Variants in GLI2 observed in about 807,000 individuals in gnomAD.
The protein encoded by GLI2 is GLI family zinc finger 2.
In GLI2, 22 loss-of-function variants were observed where a neutral mutation model predicts 78.9. That is an observed-to-expected ratio of 0.28 (90% CI 0.20 to 0.40). The LOEUF is 0.40. GLI2 is among the 10% of genes least tolerant of loss of function. GLI2 has a pLI of 1.00. For missense variants in GLI2, 2,097 were observed against 2,213.2 expected, an observed-to-expected ratio of 0.95 and a Z score of 1.05; for synonymous variants, 974 against 963.7, an observed-to-expected ratio of 1.01 and a Z score of -0.20.
At chr2:120,885,969 C>T (rs1677373612) in intron 2 of GLI2, among the ~76,000 whole-genome samples, 1 of 152,188 alleles carries the variant, frequency 6.6e-6, no homozygotes, top group Admixed American at 6.5e-5. Flanking sequence ...ACTCCATTTA[C>T]TGAGCACCTG....
chr2:120,986,257 T>A, intron 12 of GLI2, 21 bp from the exon 13 acceptor site: 1 of 1,609,002 alleles, frequency 6.2e-7, no homozygotes, highest in Non-Finnish European at 8.5e-7. Flanking sequence ...AGTCTGAGCC[T>A]TCTTGCCTCG....
intron 2 of GLI2, among the ~76,000 whole-genome samples, chr2:120,833,275 G>A (rs1686452703): frequency 6.6e-6 from 1 of 151,804 alleles, no homozygotes; most frequent in Non-Finnish European, 1.5e-5. Context: ...TATAGCTGGG[G>A]GCCTGGCATT....
intron 2 of GLI2, among the ~76,000 whole-genome samples, chr2:120,881,483 G>A (rs1027209518): frequency 4.7e-5 from 7 of 148,426 alleles, no homozygotes; most frequent in African/African-American, 7.5e-5. Context: ...GAGGACAGTC[G>A]TGGGGAAGAC....
At position 120,966,382 on chromosome 2, in the gene GLI2, C is replaced by T. The variant is rs139264322; in HGVS notation, c.644-2332C>T. 2.0e-3 allele frequency among the ~76,000 whole-genome samples: 308 copies of T among 152,302 alleles called. 1 individual carries two copies. Among genetic ancestry groups the T allele is most frequent in the African/African-American group, 7.2e-3 (298 of 41,570 alleles). The stretch of plus-strand genomic sequence containing the variant: ...GCCCAGGGTACCCGGTGTGCAGCCC[C>T]CACTTCACCCCACTGCAGGCCACTG... On this transcript the variant is annotated intron_variant, in intron 5 of 13. Coordinates refer to ENST00000361492, the MANE Select transcript of GLI2 (RefSeq NM_001374353.1).
At chr2:120,743,633 A>G (rs886082693) in intron 1 of GLI2, among the ~76,000 whole-genome samples, 2 of 152,176 alleles carry the variant, frequency 1.3e-5, no homozygotes, top group Admixed American at 1.3e-4. Context: ...AGAGTGATGG[A>G]TGGCTGCAAT....
At chr2:120,760,209 G>A (rs2104643825) in intron 1 of GLI2, among the ~76,000 whole-genome samples, 1 of 152,298 alleles carries the variant, frequency 6.6e-6, no homozygotes, top group South Asian at 2.1e-4. Flanking sequence ...TGAATGGGAT[G>A]TGTTAGATAG....
intron 2 of GLI2, among the ~76,000 whole-genome samples, chr2:120,901,610 C>T (rs936547684): frequency 2.0e-5 from 3 of 152,328 alleles, no homozygotes; most frequent in African/African-American, 7.2e-5. Context: ...GCAACATCCA[C>T]GGAGTGCACA....
In GLI2 at chr2:120,988,353, C is replaced by A; in HGVS notation, c.2388C>A (p.Val796=). Residue 796 remains valine, a synonymous_variant, in exon 14 of 14, where the codon GTC becomes GTA. Coordinates refer to ENST00000361492, the MANE Select transcript of GLI2 (RefSeq NM_001374353.1). The stretch of plus-strand genomic sequence containing the variant: ...GCCGCGACAGCTCCACCAGCACGGT[C>A]AGCTCGGCCTACACCGTGAGCCGCC... ...QERRDSSTST[V]SSAYTVSRRS... The A allele has an allele frequency of 6.4e-7, 1 of 1,572,928 alleles. No homozygotes were observed. The highest frequency in any genetic ancestry group is 1.4e-5 in the African/African-American group (1 of 73,144).
At position 120,990,781 on chromosome 2, in the gene GLI2, G is replaced by A; in HGVS notation, c.*106G>A. 1 of 950,370 alleles carries A rather than the reference G, an allele frequency of 1.1e-6. No homozygotes were observed. Among genetic ancestry groups the A allele is most frequent in the Admixed American group, 2.4e-5 (1 of 41,118 alleles). 58.9% of individuals were successfully genotyped at this position (950,370 alleles called of 1,614,324 possible). A position where few individuals can be genotyped will look rare whatever the true frequency, so the allele number is the denominator to read the frequency against. On this transcript the variant is annotated 3_prime_UTR_variant, in exon 14 of 14. Transcript: ENST00000361492. Reference sequence around the variant, plus strand: ...TTCCAAAAAAGTGTTAAATAGGCTTGAGGGGTTGTTGCGCAATGGCCGCTT... The same window carrying A: ...TTCCAAAAAAGTGTTAAATAGGCTTAAGGGGTTGTTGCGCAATGGCCGCTT...
At chr2:120,923,245 C>T in intron 2 of GLI2, among the ~76,000 whole-genome samples, 1 of 24,878 alleles carries the variant, frequency 4.0e-5, no homozygotes, top group Admixed American at 5.6e-4. Flanking sequence ...AACACACACA[C>T]ACAACAGCAC....
chr2:120,753,587 T>C (rs1425668573), intron 1 of GLI2, among the ~76,000 whole-genome samples: 1 of 152,186 alleles, frequency 6.6e-6, no homozygotes, highest in Non-Finnish European at 1.5e-5. Flanking sequence ...TAAAGATTTG[T>C]ACGTTTATCA....
At chr2:120,902,850 C>G (rs924276365) in intron 2 of GLI2, among the ~76,000 whole-genome samples, 4 of 152,332 alleles carry the variant, frequency 2.6e-5, no homozygotes, top group Non-Finnish European at 4.4e-5. Flanking sequence ...CTTCTTTAGG[C>G]TCCCAAGGAG....
chr2:120,922,889 G>A (rs1265158907), intron 2 of GLI2, among the ~76,000 whole-genome samples: 1 of 152,144 alleles, frequency 6.6e-6, no homozygotes, highest in Non-Finnish European at 1.5e-5. Flanking sequence ...CCTGGAGAAA[G>A]AGAAAGTGCT....
intron 11 of GLI2, among the ~76,000 whole-genome samples, chr2:120,983,150 TAATA>T (rs1488794128): frequency 4.6e-5 from 7 of 152,214 alleles, no homozygotes; most frequent in Non-Finnish European, 1.0e-4. Context: ...CTTATCTCCA[TAATA>T]AATATAATAG....
intron 1 of GLI2, among the ~76,000 whole-genome samples, chr2:120,763,844 A>G (rs934332433): frequency 6.6e-6 from 1 of 152,236 alleles, no homozygotes; most frequent in Non-Finnish European, 1.5e-5. Flanking sequence ...CAGGACCAAA[A>G]ACAAAATTAT....
intron 1 of GLI2, among the ~76,000 whole-genome samples, chr2:120,780,738 G>T (rs979787694): frequency 6.6e-6 from 1 of 152,216 alleles, no homozygotes; most frequent in African/African-American, 2.4e-5. Flanking sequence ...GCCAGTCCTG[G>T]GTCGTTTCCA....
intron 1 of GLI2, among the ~76,000 whole-genome samples, chr2:120,747,215 A>G (rs1418280848): frequency 6.6e-6 from 1 of 152,170 alleles, no homozygotes; most frequent in Non-Finnish European, 1.5e-5. Context: ...TGGGGAAGAG[A>G]TGGGAGGTGC....
At chr2:120,909,368 T>A (rs1678700872) in intron 2 of GLI2, among the ~76,000 whole-genome samples, 2 of 152,044 alleles carry the variant, frequency 1.3e-5, no homozygotes, top group Admixed American at 6.5e-5. Flanking sequence ...CTATCTCTGG[T>A]CAGCCCTACC....
At chr2:120,877,227 C>T (rs948477467) in intron 2 of GLI2, among the ~76,000 whole-genome samples, 6 of 152,178 alleles carry the variant, frequency 3.9e-5, no homozygotes, top group Non-Finnish European at 5.9e-5. Context: ...TCAGTCTGAA[C>T]TCCCTGAGAT....
Sources: allele counts gnomAD v4.1 joint callset (sites outside exome capture counted in the v4.1 genomes callset), GRCh38; gene constraint gnomAD v4.1.1; transcripts MANE v1.5; gene names NCBI Gene and HGNC (gene_info 2026-07-23, HGNC 2026-07-21).